The following SESTD1 variants were observed in gnomAD, a reference collection of about 807,000 sequenced individuals.
The protein encoded by SESTD1 is SEC14 and spectrin domain containing 1.
SESTD1 carries 43 observed loss-of-function variants against 101.7 expected under a neutral mutation model. The observed-to-expected ratio is 0.42, with a 90% confidence interval of 0.33 to 0.55. The LOEUF is 0.55. Ranked by LOEUF, SESTD1 falls within the 20% of genes least tolerant of loss-of-function variation. The pLI, the probability that SESTD1 is intolerant of heterozygous loss-of-function variation, is 0.07. For missense variants in SESTD1, 647 were observed against 815.1 expected, an observed-to-expected ratio of 0.79 and a Z score of 2.51; for synonymous variants, 283 against 286.8, an observed-to-expected ratio of 0.99 and a Z score of 0.13.
rs2044388143 is a variant in SESTD1, at chr2:179,106,601, A to G, written c.*3298T>C. ...ACCACTCCGTATGTCAGCTAATAAG[A>G]TAACGAAATAACAAACATGTTAAGA... On this transcript the variant is annotated 3_prime_UTR_variant, in exon 18 of 18. Coordinates refer to ENST00000428443, the MANE Select transcript of SESTD1 (RefSeq NM_178123.5). 6.6e-6 allele frequency: 1 copy of G among 152,196 alleles called. No homozygotes were observed. Among genetic ancestry groups the G allele is most frequent in the East Asian group, 1.9e-4 (1 of 5,190 alleles). The allele number at this position is 152,196 out of a possible 1,614,324, so 9.4% of individuals were successfully genotyped here.
chr2:179,178,058 T>C lies in SESTD1; in HGVS notation c.165-1520A>G, dbSNP rs114667130. ...AGGGTTAGGAGGGAAGAATGGAGAG[T>C]GAGTGCCAATGGGAACACAGTTTAT... is the stretch of plus-strand genomic sequence containing the variant. On this transcript the variant is annotated intron_variant, in intron 3 of 17. Transcript: ENST00000428443. 2.2e-3 allele frequency among the ~76,000 whole-genome samples: 330 copies of C among 151,908 alleles called. 1 individual carries two copies. Among genetic ancestry groups the C allele is most frequent in the Non-Finnish European group, 3.5e-3 (241 of 67,946 alleles).
intron 1 of SESTD1, among the ~76,000 whole-genome samples, chr2:179,217,514 T>C (rs533130732): frequency 5.9e-5 from 9 of 152,286 alleles, no homozygotes; most frequent in South Asian, 4.2e-4. Flanking sequence ...TAAAAACTGT[T>C]TTACACTGTT....
At chr2:179,256,594 C>T (rs1354694125) in intron 1 of SESTD1, among the ~76,000 whole-genome samples, 1 of 152,040 alleles carries the variant, frequency 6.6e-6, no homozygotes, top group Non-Finnish European at 1.5e-5. Flanking sequence ...AGGCAGATCA[C>T]GAGGTCAGGA....
intron 5 of SESTD1, among the ~76,000 whole-genome samples, chr2:179,161,528 G>A (rs953891069): frequency 6.6e-6 from 1 of 152,062 alleles, no homozygotes; most frequent in South Asian, 2.1e-4. Flanking sequence ...GGGCGTGGTG[G>A]CACATGCCTG....
intron 5 of SESTD1, among the ~76,000 whole-genome samples, chr2:179,169,132 T>C (rs1001371734): frequency 6.6e-6 from 1 of 152,142 alleles, no homozygotes; most frequent in Admixed American, 6.5e-5. Flanking sequence ...TAAATATAAA[T>C]AGTCTTACCC....
At chr2:179,256,551 G>C (rs554778111) in intron 1 of SESTD1, among the ~76,000 whole-genome samples, 1 of 152,218 alleles carries the variant, frequency 6.6e-6, no homozygotes, top group South Asian at 2.1e-4. Flanking sequence ...GGTGTCTTAC[G>C]CCTGTAATCC....
intron 1 of SESTD1, among the ~76,000 whole-genome samples, chr2:179,234,977 C>T (rs1165463321): frequency 6.8e-6 from 1 of 146,828 alleles, no homozygotes; most frequent in African/African-American, 2.5e-5. Context: ...TATTATGAAA[C>T]ACAAAGGAAG....
At chr2:179,144,990 C>A (rs1286204613) in intron 8 of SESTD1, among the ~76,000 whole-genome samples, 1 of 152,012 alleles carries the variant, frequency 6.6e-6, no homozygotes, top group African/African-American at 2.4e-5. Flanking sequence ...TCAGAGATTA[C>A]AAGTATTTCT....
At chr2:179,229,806 C>T in intron 1 of SESTD1, among the ~76,000 whole-genome samples, 1 of 143,550 alleles carries the variant, frequency 7.0e-6, no homozygotes, top group East Asian at 2.0e-4. Flanking sequence ...CACACACACA[C>T]ACACACACAC....
intron 1 of SESTD1, among the ~76,000 whole-genome samples, chr2:179,218,303 A>G (rs1223623712): frequency 6.6e-6 from 1 of 152,176 alleles, no homozygotes; most frequent in African/African-American, 2.4e-5. Flanking sequence ...ACCTTAAAAA[A>G]AAAACTTGTC....
chr2:179,179,123 T>C (rs2046064513), intron 3 of SESTD1, among the ~76,000 whole-genome samples: 1 of 152,200 alleles, frequency 6.6e-6, no homozygotes, highest in East Asian at 1.9e-4. Context: ...GGAAATAGTT[T>C]TGTTTTTTGC....
At chr2:179,151,119 C>T (rs1159571727) in intron 6 of SESTD1, among the ~76,000 whole-genome samples, 159 bp downstream of exon 6, 1 of 152,198 alleles carries the variant, frequency 6.6e-6, no homozygotes, top group Non-Finnish European at 1.5e-5. Context: ...AGTCTGACTT[C>T]ACAGTATTTG....
At position 179,146,456 on chromosome 2, in the gene SESTD1, A is replaced by G. The variant is rs576336981; in HGVS notation, c.583T>C (p.Ser195Pro). The part of the protein sequence containing the change: ...DKGNQQEKER[S>P]VDLNFLPSVD... ...GATGGAAGAAAGTTTAAATCCACAG[A>G]CCTGGAAAACACCAAAGGAGTAATT... The change falls in exon 8 of 18, where the codon TCT becomes CCT. Residue 195 changes from serine (S) to proline (P), a missense_variant and splice_region_variant. By Grantham distance (74) the Ser-to-Pro change is moderately conservative (BLOSUM62 -1). This residue lies in a region of SESTD1 where 168 missense variants were observed against 235.1 expected (regional missense o/e 0.71). Coordinates refer to ENST00000428443, the MANE Select transcript of SESTD1 (RefSeq NM_178123.5). The G allele has an allele frequency of 1.3e-4, 215 of 1,612,462 alleles. 2 individuals are homozygous for G. In the South Asian group the frequency reaches 2.2e-3, roughly 17 times the overall value.
At chr2:179,183,600 T>C (rs916670180) in intron 2 of SESTD1, among the ~76,000 whole-genome samples, 22 of 152,036 alleles carry the variant, frequency 1.4e-4, no homozygotes, top group Admixed American at 1.2e-3. Context: ...CTATAAGATA[T>C]ATAAAATTAT....
At chr2:179,199,485 A>T (rs887717648) in intron 1 of SESTD1, among the ~76,000 whole-genome samples, 1 of 152,164 alleles carries the variant, frequency 6.6e-6, no homozygotes, top group African/African-American at 2.4e-5. Context: ...TACCAAAGCC[A>T]GGCAGAGACA....
At chr2:179,225,204 C>G (rs995735822) in intron 1 of SESTD1, among the ~76,000 whole-genome samples, 1 of 152,160 alleles carries the variant, frequency 6.6e-6, no homozygotes, top group Non-Finnish European at 1.5e-5. Flanking sequence ...AAAATTTCCA[C>G]ACATTCTGGT....
Position 179,151,376 on chromosome 2 carries a change from C to A in SESTD1, c.385G>T (p.Ala129Ser). The change falls in exon 6 of 18, where the codon GCC becomes TCC. Residue 129 changes from alanine to serine, a missense_variant. By Grantham distance (99) the Ala-to-Ser change is moderately conservative. Coordinates refer to ENST00000428443, the MANE Select transcript of SESTD1 (RefSeq NM_178123.5). ...RLGFEVILVS[A>S]NKLTRYIEPC... ...TCTATATAACGAGTCAATTTGTTGG[C>A]GGACACTAAAATAACCTATAAAAAG... 3 of 1,595,984 alleles carry A rather than the reference C, an allele frequency of 1.9e-6. No individual in the cohort carries two copies. Among genetic ancestry groups the A allele is most frequent in the Middle Eastern group, 1.7e-4 (1 of 6,012 alleles).
At chr2:179,164,537 T>C (rs530823362) in intron 5 of SESTD1, among the ~76,000 whole-genome samples, 19 of 152,282 alleles carry the variant, frequency 1.2e-4, no homozygotes, top group Admixed American at 1.2e-3. Context: ...CCTATCATAG[T>C]CACCAGGTAC....
intron 5 of SESTD1, among the ~76,000 whole-genome samples, chr2:179,162,756 G>C (rs1478751015): frequency 6.6e-6 from 1 of 151,408 alleles, no homozygotes; most frequent in African/African-American, 2.4e-5. Context: ...GGGAGGCCGA[G>C]GCAGGTGGAT....
Sources: gnomAD v4.1 joint callset for allele counts (sites outside exome capture counted in the v4.1 genomes callset) on GRCh38, gnomAD v4.1.1 for gene constraint, gnomAD v4.1.1 regional missense constraint, MANE v1.5 for transcripts, NCBI Gene and HGNC (gene_info 2026-07-23, HGNC 2026-07-21) for gene names.